Variants in ZNF536 observed in about 807,000 individuals in gnomAD.
ZNF536 encodes the protein zinc finger protein 536.
A neutral mutation model predicts 84.5 loss-of-function variants in ZNF536; 13 were observed. The observed-to-expected ratio is 0.15, with a 90% CI of 0.10 to 0.24. ZNF536 has a LOEUF of 0.24. Among genes scored for constraint, ZNF536 ranks in the 10% least tolerant of loss-of-function variants. ZNF536 has a pLI of 1.00. For missense variants in ZNF536, 1,536 were observed against 1,747.5 expected, an observed-to-expected ratio of 0.88 and a Z score of 2.16; for synonymous variants, 811 against 742.5, an observed-to-expected ratio of 1.09 and a Z score of -1.50.
chr19:30,440,977 T>C (rs1282741703), intron 1 of ZNF536, among the ~76,000 whole-genome samples: 1 of 152,088 alleles, frequency 6.6e-6, no homozygotes, highest in African/African-American at 2.4e-5. Context: ...TCAAACCAAA[T>C]CTGAAAACTC....
At position 30,414,093 on chromosome 19, in the gene ZNF536, CA is replaced by C. The variant is rs55650802; in HGVS notation, c.-2-29447del. Among the ~76,000 whole-genome samples the C allele has an allele frequency of 3.1e-4, 26 of 82,912 alleles. 1 individual carries two copies. Among genetic ancestry groups the C allele is most frequent in the African/African-American group, 9.6e-4 (20 of 20,830 alleles). The allele number at this position is 82,912 out of a possible 152,430, so 54.4% of individuals were successfully genotyped here. On this transcript the variant is annotated intron_variant, in intron 1 of 4. Transcript: ENST00000355537. ...CGGGCAACAGTGAGAGACTCTGTCT[CA>C]AAAAAAAAAAAAAAAAAAAAGTTTC... is the stretch of plus-strand genomic sequence containing the variant.
At chr19:30,692,894 T>A (rs1392600756) in intron 1 of ZNF536, among the ~76,000 whole-genome samples, 1 of 152,198 alleles carries the variant, frequency 6.6e-6, no homozygotes, top group Non-Finnish European at 1.5e-5. Flanking sequence ...ATGAAGAGTC[T>A]AACAACCCTC....
At chr19:30,637,679 C>G (rs2049118670) in intron 1 of ZNF536, among the ~76,000 whole-genome samples, 1 of 152,170 alleles carries the variant, frequency 6.6e-6, no homozygotes, top group African/African-American at 2.4e-5. Context: ...GCTCTTCTTC[C>G]AATCCAAACC....
At chr19:30,238,007 T>A (rs1357316340) in intron 1 of ZNF536, among the ~76,000 whole-genome samples, 4 of 152,328 alleles carry the variant, frequency 2.6e-5, no homozygotes, top group African/African-American at 9.6e-5. Context: ...CGCATTTTGA[T>A]CTTTGAGCCT....
chr19:30,669,945 A>G (rs2147708507), intron 1 of ZNF536, among the ~76,000 whole-genome samples: 1 of 152,304 alleles, frequency 6.6e-6, no homozygotes, highest in African/African-American at 2.4e-5. Flanking sequence ...ACAGGAGGGA[A>G]GAGAACGAAG....
intron 1 of ZNF536, among the ~76,000 whole-genome samples, chr19:30,592,923 T>C (rs2047325041): frequency 6.6e-6 from 1 of 152,242 alleles, no homozygotes; most frequent in Admixed American, 6.5e-5. Flanking sequence ...ACGCTTGAAA[T>C]GTGTTTATTA....
chr19:30,513,192 C>A (rs1289196305), intron 2 of ZNF536, among the ~76,000 whole-genome samples: 1 of 152,164 alleles, frequency 6.6e-6, no homozygotes, highest in Non-Finnish European at 1.5e-5. Context: ...GAAAGGGCGC[C>A]ATTACCAGCA....
chr19:30,319,099 A>G (rs2046773410), intron 2 of ZNF536, among the ~76,000 whole-genome samples: 1 of 152,230 alleles, frequency 6.6e-6, no homozygotes, highest in Admixed American at 6.5e-5. Context: ...ATCGTAGACA[A>G]ATACACTGCA....
chr19:30,284,034 G>A (rs2045546415), intron 1 of ZNF536: 1 of 152,186 alleles, frequency 6.6e-6, no homozygotes, highest in South Asian at 2.1e-4. Context: ...GTCGACTTAT[G>A]TGACATTTAC....
At chr19:30,288,162 C>T (rs1029105776) in intron 2 of ZNF536, among the ~76,000 whole-genome samples, 23 of 152,170 alleles carry the variant, frequency 1.5e-4, no homozygotes, top group African/African-American at 5.3e-4. Context: ...GTGGAGGTCA[C>T]GTAGGCGAAG....
intron 2 of ZNF536, among the ~76,000 whole-genome samples, chr19:30,292,921 A>C (rs2045887993): frequency 6.6e-6 from 1 of 152,260 alleles, no homozygotes; most frequent in African/African-American, 2.4e-5. Flanking sequence ...AAGAAAAGCC[A>C]AACCAATCAA....
intron 2 of ZNF536, among the ~76,000 whole-genome samples, chr19:30,288,444 C>A (rs977430612): frequency 6.6e-6 from 1 of 152,154 alleles, no homozygotes; most frequent in African/African-American, 2.4e-5. Context: ...ATGGTGTATG[C>A]AATGTACCCA....
At chr19:30,307,340 G>A (rs1324092330) in intron 2 of ZNF536, among the ~76,000 whole-genome samples, 1 of 151,598 alleles carries the variant, frequency 6.6e-6, no homozygotes, top group Non-Finnish European at 1.5e-5. Context: ...CTGTGTTCAG[G>A]GGGAACGGTG....
chr19:30,696,287 C>G (rs560367910), intron 1 of ZNF536, among the ~76,000 whole-genome samples: 2 of 152,140 alleles, frequency 1.3e-5, no homozygotes, highest in African/African-American at 4.8e-5. Context: ...AGCCCCTCCG[C>G]TCCCGGCTCC....
chr19:30,638,602 C>A (rs2049156518), intron 1 of ZNF536, among the ~76,000 whole-genome samples: 1 of 152,188 alleles, frequency 6.6e-6, no homozygotes. Context: ...GAAATCTTCC[C>A]CCATGATCCA....
intron 1 of ZNF536, among the ~76,000 whole-genome samples, chr19:30,255,977 C>A (rs540414611): frequency 6.6e-6 from 1 of 152,176 alleles, no homozygotes; most frequent in South Asian, 2.1e-4. Context: ...GAGTGCTGGA[C>A]CCCAGGAGGC....
At chr19:30,706,485 C>CAA (rs751277069) in intron 1 of ZNF536, among the ~76,000 whole-genome samples, 15 of 103,070 alleles carry the variant, frequency 1.5e-4, no homozygotes, top group African/African-American at 5.1e-4. Flanking sequence ...AACTCTGTCT[C>CAA]AAAAAAAAAA....
intron 2 of ZNF536, among the ~76,000 whole-genome samples, chr19:30,467,884 A>G (rs894928078): frequency 6.6e-6 from 1 of 152,240 alleles, no homozygotes; most frequent in South Asian, 2.1e-4. Context: ...ACCCTGGTAT[A>G]GCTCCCTCTC....
intron 1 of ZNF536, among the ~76,000 whole-genome samples, chr19:30,625,711 G>A (rs749599408): frequency 3.9e-5 from 6 of 152,198 alleles, no homozygotes; most frequent in African/African-American, 1.2e-4. Context: ...AGTTCAAACC[G>A]TTTCTGGACA....
Sources: allele counts gnomAD v4.1 joint callset (sites outside exome capture counted in the v4.1 genomes callset), GRCh38; gene constraint gnomAD v4.1.1; transcripts MANE v1.5; gene names NCBI Gene and HGNC (gene_info 2026-07-23, HGNC 2026-07-21).